Variants in KIAA1217 observed in about 807,000 individuals in gnomAD.
The protein encoded by KIAA1217 is KIAA1217, also known as sickle tail protein homolog.
Under a neutral mutation model 163.9 loss-of-function variants are expected in KIAA1217, and 88 were observed. The ratio of observed to expected loss-of-function variants is 0.54; its 90% CI spans 0.45 to 0.64. The LOEUF (loss-of-function observed/expected upper bound fraction) is 0.64. Ranked by LOEUF, KIAA1217 falls within the 30% of genes least tolerant of loss-of-function variation. The pLI, the probability that KIAA1217 is intolerant of heterozygous loss-of-function variation, is 0.00. For missense variants in KIAA1217, 2,372 were observed against 2,475.0 expected (o/e 0.96, Z 0.88); for synonymous variants, 903 against 923.1 (o/e 0.98, Z 0.39).
chr10:24,413,216 C>T (rs569805974), intron 3 of KIAA1217, among the ~76,000 whole-genome samples: 2 of 152,250 alleles, frequency 1.3e-5, no homozygotes, highest in South Asian at 2.1e-4. Context: ...GATGGACTCT[C>T]GCTCTGTCAC....
intron 2 of KIAA1217, among the ~76,000 whole-genome samples, chr10:24,020,470 G>A (rs7903220): frequency 3.9e-5 from 6 of 152,076 alleles, no homozygotes; most frequent in Non-Finnish European, 2.9e-5. Context: ...GAAACTTAAC[G>A]AAGAGATCTT....
intron 1 of KIAA1217, among the ~76,000 whole-genome samples, chr10:23,776,736 A>C (rs990432744): frequency 1.4e-5 from 2 of 140,448 alleles, no homozygotes; most frequent in African/African-American, 2.7e-5. Flanking sequence ...GCTGGAATGC[A>C]GTGGTGTGAT....
chr10:24,301,268 T>C (rs1407203171), intron 2 of KIAA1217, among the ~76,000 whole-genome samples: 1 of 152,214 alleles, frequency 6.6e-6, no homozygotes, highest in Non-Finnish European at 1.5e-5. Context: ...ATCAATGACA[T>C]TTCATTATGC....
intron 2 of KIAA1217, among the ~76,000 whole-genome samples, chr10:24,136,877 T>C (rs1466209214): frequency 6.6e-6 from 1 of 152,238 alleles, no homozygotes; most frequent in East Asian, 1.9e-4. Flanking sequence ...ACAAGGCTTG[T>C]TCTTTTTAGC....
chr10:24,360,039 A>G (rs1387122285), intron 2 of KIAA1217, among the ~76,000 whole-genome samples: 1 of 59,726 alleles, frequency 1.7e-5, no homozygotes, highest in Non-Finnish European at 4.0e-5. Context: ...GGATATAATT[A>G]CTTTTTTTTT....
At chr10:24,138,051 A>G (rs1287870878) in intron 2 of KIAA1217, among the ~76,000 whole-genome samples, 4 of 152,244 alleles carry the variant, frequency 2.6e-5, no homozygotes, top group African/African-American at 7.2e-5. Flanking sequence ...GATAAACACT[A>G]TGAACGTATA....
chr10:23,844,825 G>A (rs539651451), intron 1 of KIAA1217, among the ~76,000 whole-genome samples: 24 of 151,806 alleles, frequency 1.6e-4, no homozygotes, highest in Admixed American at 7.9e-4. Flanking sequence ...ATGCCATGGT[G>A]GTTTGCTGCA....
At chr10:24,092,178 C>T (rs368458373) in intron 2 of KIAA1217, among the ~76,000 whole-genome samples, 4 of 151,738 alleles carry the variant, frequency 2.6e-5, no homozygotes, top group South Asian at 4.2e-4. Flanking sequence ...CCCTAAACCT[C>T]ATGCCACCTC....
At chr10:23,886,569 C>T (rs190672938) in intron 1 of KIAA1217, among the ~76,000 whole-genome samples, 16 of 152,024 alleles carry the variant, frequency 1.1e-4, no homozygotes, top group Non-Finnish European at 1.6e-4. Flanking sequence ...CTCGCTAGGG[C>T]GCAGCAGAGA....
intron 2 of KIAA1217, among the ~76,000 whole-genome samples, chr10:24,350,257 A>G (rs2048296101): frequency 6.6e-6 from 1 of 152,236 alleles, no homozygotes; most frequent in South Asian, 2.1e-4. Context: ...TGGCTCCCCA[A>G]CAATTACAGC....
intron 1 of KIAA1217, among the ~76,000 whole-genome samples, chr10:23,805,142 G>C (rs943495617): frequency 5.3e-5 from 8 of 152,018 alleles, no homozygotes; most frequent in Non-Finnish European, 1.0e-4. Context: ...AATACCATTC[G>C]ACCTAGCAAT....
chr10:23,820,473 G>A (rs539034354), intron 1 of KIAA1217, among the ~76,000 whole-genome samples: 25 of 152,178 alleles, frequency 1.6e-4, no homozygotes, highest in Admixed American at 2.6e-4. Flanking sequence ...ATATCCATGA[G>A]GGCAAAATAT....
intron 2 of KIAA1217, among the ~76,000 whole-genome samples, chr10:24,144,563 AAAGT>A (rs1717070663): frequency 6.6e-6 from 1 of 152,214 alleles, no homozygotes; most frequent in Non-Finnish European, 1.5e-5. Flanking sequence ...CTAATTTTTT[AAAGT>A]AAGAAATTAG....
intron 9 of KIAA1217, among the ~76,000 whole-genome samples, chr10:24,509,174 C>A (rs1206614639): frequency 6.6e-6 from 1 of 152,110 alleles, no homozygotes; most frequent in East Asian, 1.9e-4. Context: ...GATGGTGATC[C>A]ACATCATATC....
intron 1 of KIAA1217, among the ~76,000 whole-genome samples, chr10:23,966,521 C>T (rs1845075102): frequency 6.6e-6 from 1 of 152,174 alleles, no homozygotes; most frequent in Non-Finnish European, 1.5e-5. Flanking sequence ...CGTCAGCTGA[C>T]AGCAGGTGCT....
rs574084113 is a variant in KIAA1217, at chr10:24,227,910, G to A, written c.354+8001G>A. On this transcript the variant is annotated intron_variant, in intron 2 of 20. Coordinates refer to ENST00000376454, the MANE Select transcript of KIAA1217 (RefSeq NM_019590.5). ...TCTCCCATCAGACCAGGGCTTTGCT[G>A]CTGTCTGAGTGCCCCTCAGGCTTCC... Among the ~76,000 whole-genome samples the A allele has an allele frequency of 1.2e-4, 19 of 152,258 alleles. No individual in the cohort carries two copies. The South Asian group carries it at 2.1e-3, about 17-fold the overall frequency.
chr10:23,896,364 A>T (rs1384870701), intron 1 of KIAA1217, among the ~76,000 whole-genome samples: 3 of 152,018 alleles, frequency 2.0e-5, no homozygotes, highest in Non-Finnish European at 4.4e-5. Context: ...CACGCATCAC[A>T]CGCTGTCGAG....
chr10:23,710,674 T>C (rs996560357), intron 1 of KIAA1217, among the ~76,000 whole-genome samples: 2 of 152,238 alleles, frequency 1.3e-5, no homozygotes, highest in Non-Finnish European at 2.9e-5. Flanking sequence ...ACAGTTCAAG[T>C]TGTGTTGAAC....
At chr10:23,991,654 A>G (rs1846223933) in intron 1 of KIAA1217, among the ~76,000 whole-genome samples, 1 of 152,212 alleles carries the variant, frequency 6.6e-6, no homozygotes, top group African/African-American at 2.4e-5. Flanking sequence ...TCATATATCT[A>G]GAACGTATCT....
Sources: allele counts gnomAD v4.1 joint callset (sites outside exome capture counted in the v4.1 genomes callset), GRCh38; gene constraint gnomAD v4.1.1; transcripts MANE v1.5; gene names NCBI Gene and HGNC (gene_info 2026-07-23, HGNC 2026-07-21).